Variants in PLEKHG7 observed in about 807,000 individuals in gnomAD.
PLEKHG7 encodes the protein pleckstrin homology and RhoGEF domain containing G7, also known as pleckstrin homology domain-containing family G member 7.
Under a neutral mutation model 85.2 loss-of-function variants are expected in PLEKHG7, and 77 were observed. That is an observed-to-expected ratio of 0.90 (90% CI 0.75 to 1.09). The LOEUF (loss-of-function observed/expected upper bound fraction) is 1.09, where lower values mean the gene tolerates loss of function less well. Among genes scored for constraint, PLEKHG7 ranks in the 50% least tolerant of loss-of-function variants. The pLI, the probability that PLEKHG7 is intolerant of heterozygous loss-of-function variation, is 0.00. For synonymous variants in PLEKHG7, 301 were observed against 302.4 expected, an observed-to-expected ratio of 1.00 and a Z score of 0.05; for missense variants, 777 against 804.3, an observed-to-expected ratio of 0.97 and a Z score of 0.41.
At chr12:92,716,693 A>C (rs1871501445) in intron 3 of PLEKHG7, among the ~76,000 whole-genome samples, 1 of 152,222 alleles carries the variant, frequency 6.6e-6, no homozygotes, top group Non-Finnish European at 1.5e-5. Context: ...CAGCCAGTAC[A>C]TTTCTCCCTT....
At chr12:92,741,788 C>T (rs1156727655) in intron 9 of PLEKHG7, among the ~76,000 whole-genome samples, 196 bp downstream of exon 9, 1 of 152,244 alleles carries the variant, frequency 6.6e-6, no homozygotes, top group Non-Finnish European at 1.5e-5. Flanking sequence ...ATTGCCACAT[C>T]TCCTGTGTGG....
chr12:92,705,681 A>G (rs950807652), intron 1 of PLEKHG7, among the ~76,000 whole-genome samples: 26 of 152,218 alleles, frequency 1.7e-4, no homozygotes, highest in African/African-American at 6.0e-4. Flanking sequence ...CAAATCATCA[A>G]GCATCAACTC....
At chr12:92,730,644 TC>T (rs1280974695) in intron 4 of PLEKHG7, among the ~76,000 whole-genome samples, 1 of 152,232 alleles carries the variant, frequency 6.6e-6, no homozygotes, top group African/African-American at 2.4e-5. Flanking sequence ...GGTGTCGAAC[TC>T]CTGACCTTAG....
At chr12:92,765,535 A>G (rs1873169061) in intron 15 of PLEKHG7, among the ~76,000 whole-genome samples, 1 of 151,852 alleles carries the variant, frequency 6.6e-6, no homozygotes, top group African/African-American at 2.4e-5. Flanking sequence ...AGGCTTAGGC[A>G]AGAGAATCGC....
intron 11 of PLEKHG7, 77 bp downstream of exon 11, chr12:92,754,341 C>G: frequency 7.2e-7 from 1 of 1,388,602 alleles, no homozygotes. Flanking sequence ...GGCTTCCATC[C>G]TAGGAGGTAA....
In PLEKHG7 at chr12:92,769,092, A is replaced by G. The variant is rs375632934; in HGVS notation, c.1968+12A>G. The G allele has an allele frequency of 6.5e-5, 99 of 1,523,334 alleles. No individual in the cohort carries two copies. The African/African-American group carries it at 1.2e-3, about 19-fold the overall frequency. 94.4% of individuals were successfully genotyped at this position (1,523,334 alleles called of 1,614,324 possible). A position where few individuals can be genotyped will look rare whatever the true frequency, so the allele number is the denominator to read the frequency against. On this transcript the variant is annotated intron_variant, in intron 16 of 16. Coordinates refer to ENST00000344636, the MANE Select transcript of PLEKHG7 (RefSeq NM_001377329.1). ...CGGAAAACATCAAAGTATGTATTTT[A>G]ATTTTGTAGGTCTTTGATTCTTCAG...
intron 3 of PLEKHG7, among the ~76,000 whole-genome samples, chr12:92,726,522 AGACCAAAGGAATATCTGAACAATTCT>A (rs1004365221): frequency 6.6e-6 from 1 of 152,238 alleles, no homozygotes; most frequent in Middle Eastern, 3.2e-3. Flanking sequence ...CCCTTAGAAT[AGACCAAAGGAATATCTGAACAATTCT>A]GATGAGAAAA....
In PLEKHG7 at chr12:92,729,054, G is replaced by C; in HGVS notation, c.592G>C (p.Gly198Arg). The change falls in exon 4 of 17, where the codon GGG (glycine) becomes CGG (arginine). Residue 198 changes from glycine (G) to arginine (R), a missense_variant. Around this residue, in one of 3 missense-constraint regions of PLEKHG7, gnomAD observed 252 missense variants for 241.9 expected, o/e 1.04. Transcript: ENST00000344636. ...LNLPGLEVFPGDLLVSDGAAD... is the reference protein window; with the variant it reads ...LNLPGLEVFPRDLLVSDGAAD... ...CTTACCTGGACTTGAGGTGTTCCCC[G>C]GGGACCTTCTGGTGTCAGATGGAGC... is the stretch of plus-strand genomic sequence containing the variant. The C allele has an allele frequency of 8.1e-7, 1 of 1,231,690 alleles. No homozygotes were observed. Among genetic ancestry groups the C allele is most frequent in the Non-Finnish European group, 1.0e-6 (1 of 987,740 alleles). 76.3% of individuals were successfully genotyped at this position (1,231,690 alleles called of 1,614,324 possible). A position where few individuals can be genotyped will look rare whatever the true frequency, so the allele number is the denominator to read the frequency against.
intron 5 of PLEKHG7, among the ~76,000 whole-genome samples, chr12:92,735,016 C>T (rs4760492): frequency 0.25 from 38,183 of 152,058 alleles, 5,550 homozygotes; most frequent in Non-Finnish European, 0.33. Context: ...GAATGGTCTC[C>T]TCTCCCCTCA....
intron 7 of PLEKHG7, among the ~76,000 whole-genome samples, chr12:92,737,952 C>A (rs577878291): frequency 1.3e-5 from 2 of 152,176 alleles, no homozygotes; most frequent in Non-Finnish European, 2.9e-5. Context: ...TTGAATGAAT[C>A]TCTTCTGCCT....
chr12:92,764,153 ATAGATTGG>A lies in PLEKHG7; in HGVS notation c.1833_1840del (p.Arg611SerfsTer5). 6.2e-7 allele frequency: 1 copy of A among 1,608,582 alleles called. No homozygotes were observed. Among genetic ancestry groups the A allele is most frequent in the Non-Finnish European group, 8.5e-7 (1 of 1,177,066 alleles). On this transcript the variant is annotated frameshift_variant, in exon 15 of 17. Transcript: ENST00000344636. LOFTEE classifies it high-confidence loss of function. ...GTACTCGATCAGCCTATTCCACTAG[ATAGATTGG>A]TAGTCAAAAGTATTGAACCACTCCA...
intron 12 of PLEKHG7, 96 bp downstream of exon 12, chr12:92,756,036 T>C: frequency 1.2e-6 from 1 of 857,056 alleles, no homozygotes. Flanking sequence ...ATCTGTCCAC[T>C]TGAAGAATAA....
At chr12:92,734,086 G>A (rs773781435) in intron 5 of PLEKHG7, among the ~76,000 whole-genome samples, 9 of 152,184 alleles carry the variant, frequency 5.9e-5, no homozygotes, top group Non-Finnish European at 1.0e-4. Context: ...ATTTCTAGAA[G>A]CTTCACTTTC....
At chr12:92,719,188 C>T (rs1372916783) in intron 3 of PLEKHG7, among the ~76,000 whole-genome samples, 1 of 152,126 alleles carries the variant, frequency 6.6e-6, no homozygotes, top group Admixed American at 6.6e-5. Context: ...CAGATTTAAC[C>T]AAGAGAACTG....
At chr12:92,707,601 G>T (rs750269045) in intron 2 of PLEKHG7, 49 bp from the exon 3 acceptor site, 1 of 1,598,028 alleles carries the variant, frequency 6.3e-7, no homozygotes, top group Non-Finnish European at 8.6e-7. Context: ...TTGGAGTTTG[G>T]GATGGGTTTG....
At chr12:92,703,495 T>G (rs866175786) in intron 1 of PLEKHG7, among the ~76,000 whole-genome samples, 1 of 152,238 alleles carries the variant, frequency 6.6e-6, no homozygotes, top group Non-Finnish European at 1.5e-5. Context: ...CCCAGGAGCC[T>G]TAGCCATTAT....
At position 92,705,545 on chromosome 12, in the gene PLEKHG7, A is replaced by C. The variant is rs1592669858; in HGVS notation, c.-161-926A>C. On this transcript the variant is annotated intron_variant, in intron 1 of 16. Coordinates refer to ENST00000344636, the MANE Select transcript of PLEKHG7 (RefSeq NM_001377329.1). ...TAAAACTATTATTGATGATCTTGGA[A>C]TATACGGTCAACTACTAATGTTCCA... 2.0e-5 allele frequency among the ~76,000 whole-genome samples: 3 copies of C among 152,370 alleles called. No homozygotes were observed. The East Asian group carries it at 5.8e-4, about 29-fold the overall frequency.
At chr12:92,736,460 G>A in intron 5 of PLEKHG7, 22 bp from the exon 6 acceptor site, 1 of 1,214,694 alleles carries the variant, frequency 8.2e-7, no homozygotes, top group Non-Finnish European at 1.0e-6. Context: ...TGAAAATCCT[G>A]TTTCTAACCA....
chr12:92,756,881 C>T (rs552064426), intron 13 of PLEKHG7, among the ~76,000 whole-genome samples: 60 of 152,276 alleles, frequency 3.9e-4, no homozygotes, highest in Admixed American at 1.0e-3. Context: ...TATTACCAGA[C>T]CTTCAGGATA....
Sources: gnomAD v4.1 joint callset for allele counts (sites outside exome capture counted in the v4.1 genomes callset) on GRCh38, gnomAD v4.1.1 for gene constraint, gnomAD v4.1.1 regional missense constraint, MANE v1.5 for transcripts, NCBI Gene and HGNC (gene_info 2026-07-23, HGNC 2026-07-21) for gene names.